Variants in DIPK1A observed in about 807,000 individuals in gnomAD.
DIPK1A encodes the protein family with sequence similarity 69 member A.
Under a neutral mutation model 40.8 loss-of-function variants are expected in DIPK1A, and 27 were observed. The ratio of observed to expected loss-of-function variants is 0.66; its 90% CI spans 0.49 to 0.91. The LOEUF (loss-of-function observed/expected upper bound fraction) is 0.91, where lower values mean the gene tolerates loss of function less well. DIPK1A is among the 40% of genes least tolerant of loss of function. DIPK1A has a pLI of 0.00. For synonymous variants in DIPK1A, 166 were observed against 171.3 expected (o/e 0.97, Z 0.24); for missense variants, 412 against 505.7 (o/e 0.81, Z 1.78).
At chr1:92,892,094 A>G (rs1414492964) in intron 1 of DIPK1A, among the ~76,000 whole-genome samples, 5 of 152,104 alleles carry the variant, frequency 3.3e-5, no homozygotes, top group Non-Finnish European at 7.3e-5. Context: ...GGGCATAGCC[A>G]AACAAAAGGC....
chr1:92,858,044 C>T (rs1038236276), intron 2 of DIPK1A, among the ~76,000 whole-genome samples: 12 of 152,110 alleles, frequency 7.9e-5, no homozygotes, highest in African/African-American at 1.9e-4. Context: ...CAATGCCTGA[C>T]GCATAATCAA....
intron 1 of DIPK1A, among the ~76,000 whole-genome samples, chr1:92,889,152 A>G (rs1047781487): frequency 1.3e-5 from 2 of 152,166 alleles, no homozygotes; most frequent in Non-Finnish European, 2.9e-5. Flanking sequence ...CTTCTATTCA[A>G]GTCTTTAATC....
intron 2 of DIPK1A, among the ~76,000 whole-genome samples, chr1:92,859,783 A>G (rs771736652): frequency 6.6e-6 from 1 of 152,210 alleles, no homozygotes; most frequent in Non-Finnish European, 1.5e-5. Context: ...AGCTCACTGC[A>G]GCCTTGACCT....
chr1:92,881,726 A>G (rs540733080), intron 1 of DIPK1A, among the ~76,000 whole-genome samples: 149 of 152,328 alleles, frequency 9.8e-4, no homozygotes, highest in African/African-American at 3.4e-3. Flanking sequence ...CACATGTATG[A>G]TATGTTCCCA....
chr1:92,908,632 T>C (rs892153615), intron 1 of DIPK1A, among the ~76,000 whole-genome samples: 2 of 152,146 alleles, frequency 1.3e-5, no homozygotes, highest in African/African-American at 4.8e-5. Flanking sequence ...AGTTAGACTA[T>C]GAAGGGGAGG....
chr1:92,932,565 T>A (rs916842868), intron 1 of DIPK1A: 9 of 151,980 alleles, frequency 5.9e-5, no homozygotes, highest in African/African-American at 2.2e-4. Flanking sequence ...AAATGAACCA[T>A]CAAGCCATGA....
intron 2 of DIPK1A, among the ~76,000 whole-genome samples, chr1:92,866,484 C>A (rs533502859): frequency 6.6e-6 from 1 of 152,290 alleles, no homozygotes; most frequent in African/African-American, 2.4e-5. Context: ...ATTCATAGAT[C>A]CTTTCTTTCT....
chr1:92,839,313 C>T (rs976948423), downstream of DIPK1A, among the ~76,000 whole-genome samples: 3 of 152,110 alleles, frequency 2.0e-5, no homozygotes, highest in Admixed American at 6.6e-5. Flanking sequence ...GAGCTGGGAT[C>T]GCGCTACTGC....
At chr1:92,848,022 G>C (rs2244005) in intron 3 of DIPK1A, among the ~76,000 whole-genome samples, 131,097 of 152,140 alleles carry the variant, frequency 0.86, 56,890 homozygotes, top group East Asian at 0.96. Flanking sequence ...TAGGTATGAG[G>C]CACCACACCT....
intron 1 of DIPK1A, among the ~76,000 whole-genome samples, chr1:92,955,714 A>C (rs1005000083): frequency 9.4e-5 from 14 of 149,352 alleles, no homozygotes; most frequent in South Asian, 2.1e-4. Context: ...AAAAAAAAAG[A>C]AAAGAAAAGA....
intron 1 of DIPK1A, among the ~76,000 whole-genome samples, chr1:92,953,389 C>A (rs1215489886): frequency 6.6e-6 from 1 of 152,066 alleles, no homozygotes; most frequent in Non-Finnish European, 1.5e-5. Flanking sequence ...ACCATGTGAT[C>A]CAACAATCCC....
At chr1:92,865,941 A>G (rs1433382032) in intron 2 of DIPK1A, among the ~76,000 whole-genome samples, 1 of 152,228 alleles carries the variant, frequency 6.6e-6, no homozygotes, top group African/African-American at 2.4e-5. Context: ...TGTTTTTAGA[A>G]TTTACTACAA....
In DIPK1A at chr1:92,895,707, T is replaced by C. The variant is rs547193326; in HGVS notation, c.55-19277A>G. 2.6e-5 allele frequency among the ~76,000 whole-genome samples: 4 copies of C among 152,160 alleles called. No individual in the cohort carries two copies. The East Asian group carries it at 5.8e-4, about 22-fold the overall frequency. Reference sequence around the variant, plus strand: ...GGTATTCGATTAGGAAATGAGGAAGTCAAATTGTCCCTGTTTGCAGATGAC... The same window carrying C: ...GGTATTCGATTAGGAAATGAGGAAGCCAAATTGTCCCTGTTTGCAGATGAC... On this transcript the variant is annotated intron_variant, in intron 1 of 4. Coordinates refer to ENST00000370310, the MANE Select transcript of DIPK1A (RefSeq NM_001006605.5).
At chr1:92,833,361 G>A (rs778601996) in intron 4 of DIPK1A, 2 of 1,570,584 alleles carry the variant, frequency 1.3e-6, no homozygotes, top group South Asian at 2.2e-5. Context: ...AGACATCAAA[G>A]TTTTAATAAC....
chr1:92,865,381 C>G (rs990192381), intron 2 of DIPK1A, among the ~76,000 whole-genome samples: 5 of 151,620 alleles, frequency 3.3e-5, no homozygotes, highest in African/African-American at 1.2e-4. Flanking sequence ...ACAAAAAAAG[C>G]AACCCCTCCT....
intron 2 of DIPK1A, among the ~76,000 whole-genome samples, chr1:92,864,431 T>C (rs1310902317): frequency 6.6e-6 from 1 of 152,194 alleles, no homozygotes; most frequent in Non-Finnish European, 1.5e-5. Flanking sequence ...TAGAGTAATG[T>C]AGTGAGTAAT....
intron 1 of DIPK1A, among the ~76,000 whole-genome samples, chr1:92,898,874 C>T (rs1425240872): frequency 6.6e-6 from 1 of 152,106 alleles, no homozygotes; most frequent in Non-Finnish European, 1.5e-5. Context: ...GCAACCCTCC[C>T]ACTTCACCTT....
intron 2 of DIPK1A, among the ~76,000 whole-genome samples, chr1:92,861,604 G>A (rs1647276346): frequency 6.6e-6 from 1 of 152,054 alleles, no homozygotes; most frequent in Non-Finnish European, 1.5e-5. Context: ...TGGGATTACA[G>A]GCGTGAGCTG....
At chr1:92,839,432 C>G (rs181221408), downstream of DIPK1A, among the ~76,000 whole-genome samples, 398 of 152,200 alleles carry the variant, frequency 2.6e-3, 2 homozygotes, top group African/African-American at 9.4e-3. Context: ...TCTTTCTGGT[C>G]TAGAGGCCTT....
Sources: allele counts gnomAD v4.1 joint callset (sites outside exome capture counted in the v4.1 genomes callset), GRCh38; gene constraint gnomAD v4.1.1; transcripts MANE v1.5; gene names NCBI Gene and HGNC (gene_info 2026-07-23, HGNC 2026-07-21).